Variants in CCBE1 observed in about 807,000 individuals in gnomAD.
CCBE1 encodes collagen and calcium-binding EGF domain-containing protein 1.
In CCBE1, 37 loss-of-function variants were observed where a neutral mutation model predicts 50.0. That is an observed-to-expected ratio of 0.74 (90% CI 0.57 to 0.97). The LOEUF (loss-of-function observed/expected upper bound fraction) is 0.97, where lower values mean the gene tolerates loss of function less well. Ranked by LOEUF, CCBE1 falls within the 50% of genes least tolerant of loss-of-function variation. The pLI, the probability that CCBE1 is intolerant of heterozygous loss-of-function variation, is 0.00. For synonymous variants in CCBE1, 234 were observed against 203.7 expected, an observed-to-expected ratio of 1.15 and a Z score of -1.27; for missense variants, 538 against 523.8, an observed-to-expected ratio of 1.03 and a Z score of -0.26.
At chr18:59,563,259 G>A (rs1166447657) in intron 2 of CCBE1, among the ~76,000 whole-genome samples, 1 of 152,142 alleles carries the variant, frequency 6.6e-6, no homozygotes, top group Non-Finnish European at 1.5e-5. Flanking sequence ...CATGTGGATG[G>A]GGGTTGGGGG....
intron 2 of CCBE1, among the ~76,000 whole-genome samples, chr18:59,499,401 CT>C (rs1196884324): frequency 6.6e-6 from 1 of 152,074 alleles, no homozygotes; most frequent in Non-Finnish European, 1.5e-5. Context: ...CGTTTTCACA[CT>C]ACTGATAGAG....
chr18:59,612,760 G>C (rs1406016303), intron 2 of CCBE1, among the ~76,000 whole-genome samples: 1 of 151,102 alleles, frequency 6.6e-6, no homozygotes, highest in Non-Finnish European at 1.5e-5. Flanking sequence ...AACTGGCCTT[G>C]GGTGACTTCC....
chr18:59,673,801 C>T (rs1006786069), intron 2 of CCBE1, among the ~76,000 whole-genome samples: 3 of 152,158 alleles, frequency 2.0e-5, no homozygotes, highest in African/African-American at 4.8e-5. Context: ...CCAACTTGAT[C>T]GTGGTAGATA....
chr18:59,538,663 A>G (rs988231495), intron 2 of CCBE1, among the ~76,000 whole-genome samples: 9 of 152,230 alleles, frequency 5.9e-5, no homozygotes, highest in Admixed American at 1.3e-4. Flanking sequence ...AAAGTGGGCC[A>G]TAAGTTCTAA....
chr18:59,697,132 CG>C, intron 1 of CCBE1, 79 bp downstream of exon 1: 1 of 1,534,688 alleles, frequency 6.5e-7, no homozygotes. Flanking sequence ...GAGTGGGCGC[CG>C]GGGAGGACCG....
intron 2 of CCBE1, among the ~76,000 whole-genome samples, chr18:59,485,493 G>A (rs1912771604): frequency 6.6e-6 from 1 of 151,932 alleles, no homozygotes; most frequent in East Asian, 1.9e-4. Flanking sequence ...GCAAATATTT[G>A]CACCCTTGCT....
At chr18:59,657,977 G>C (rs1479293675) in intron 2 of CCBE1, among the ~76,000 whole-genome samples, 1 of 152,026 alleles carries the variant, frequency 6.6e-6, no homozygotes, top group African/African-American at 2.4e-5. Flanking sequence ...ACGGGAGGCA[G>C]CACATTGGAG....
At chr18:59,694,001 A>G (rs757147169) in intron 2 of CCBE1, among the ~76,000 whole-genome samples, 7 of 149,470 alleles carry the variant, frequency 4.7e-5, no homozygotes, top group Non-Finnish European at 8.9e-5. Context: ...CCTCCCAAGT[A>G]GATGGTACTA....
At chr18:59,437,964 C>T (rs1479267905) in intron 10 of CCBE1, 147 bp downstream of exon 10, 1 of 664,992 alleles carries the variant, frequency 1.5e-6, no homozygotes, top group Non-Finnish European at 2.6e-6. Flanking sequence ...TTCTATGACT[C>T]TCTTCCTAAC....
At position 59,655,454 on chromosome 18, in the gene CCBE1, G is replaced by A. The variant is rs146669498; in HGVS notation, c.212+41175C>T. 6.6e-5 allele frequency among the ~76,000 whole-genome samples: 10 copies of A among 152,104 alleles called. No homozygotes were observed. The East Asian group carries it at 1.9e-3, about 29-fold the overall frequency. On this transcript the variant is annotated intron_variant, in intron 2 of 10. Coordinates refer to ENST00000439986, the MANE Select transcript of CCBE1 (RefSeq NM_133459.4). ...GAGGAGATGAGGGACAAGCTTCAAG[G>A]GCTTATTAAAAAAACATTTGAATTC...
chr18:59,503,299 T>C (rs1225497983), intron 2 of CCBE1, among the ~76,000 whole-genome samples: 1 of 152,226 alleles, frequency 6.6e-6, no homozygotes, highest in African/African-American at 2.4e-5. Flanking sequence ...ACCATTTACG[T>C]AGTGCATGTT....
chr18:59,661,267 A>G (rs904138964), intron 2 of CCBE1, among the ~76,000 whole-genome samples: 7 of 152,262 alleles, frequency 4.6e-5, no homozygotes. Flanking sequence ...TTTATTTACA[A>G]TAACTCACTG....
intron 2 of CCBE1, among the ~76,000 whole-genome samples, chr18:59,649,191 T>C (rs1244705062): frequency 2.0e-5 from 3 of 152,216 alleles, no homozygotes; most frequent in African/African-American, 2.4e-5. Context: ...CATTATCTTA[T>C]AGACAACAGC....
At chr18:59,644,923 C>G (rs2144653534) in intron 2 of CCBE1, among the ~76,000 whole-genome samples, 1 of 152,346 alleles carries the variant, frequency 6.6e-6, no homozygotes, top group East Asian at 1.9e-4. Flanking sequence ...TTTCAATTCT[C>G]TTTAGACATA....
intron 2 of CCBE1, among the ~76,000 whole-genome samples, chr18:59,524,467 A>T (rs932247819): frequency 6.6e-6 from 1 of 152,224 alleles, no homozygotes; most frequent in Non-Finnish European, 1.5e-5. Flanking sequence ...AAACCTTTGC[A>T]TTCTATCCTT....
chr18:59,461,519 C>T (rs1911473783), intron 5 of CCBE1, among the ~76,000 whole-genome samples: 2 of 152,134 alleles, frequency 1.3e-5, no homozygotes, highest in South Asian at 2.1e-4. Context: ...TTTTGTTTTA[C>T]TGAAATATAA....
At chr18:59,683,338 C>G (rs576382828) in intron 2 of CCBE1, among the ~76,000 whole-genome samples, 2 of 152,314 alleles carry the variant, frequency 1.3e-5, no homozygotes, top group East Asian at 3.9e-4. Context: ...CAAATGAACA[C>G]AACTCCTAAG....
At chr18:59,484,279 C>T (rs1568164631) in intron 2 of CCBE1, among the ~76,000 whole-genome samples, 1 of 152,142 alleles carries the variant, frequency 6.6e-6, no homozygotes, top group Non-Finnish European at 1.5e-5. Flanking sequence ...TCCAGTGATT[C>T]ATGAGAAAGT....
At chr18:59,662,188 T>C (rs62094393) in intron 2 of CCBE1, among the ~76,000 whole-genome samples, 64,168 of 152,040 alleles carry the variant, frequency 0.42, 14,776 homozygotes, top group African/African-American at 0.61. Context: ...CTGCACAGAC[T>C]GCAGAAGGGT....
Sources: gnomAD v4.1 joint callset for allele counts (sites outside exome capture counted in the v4.1 genomes callset) on GRCh38, gnomAD v4.1.1 for gene constraint, MANE v1.5 for transcripts, NCBI Gene and HGNC (gene_info 2026-07-23, HGNC 2026-07-21) for gene names.